Variants in BANK1 observed in about 807,000 individuals in gnomAD.
BANK1 encodes B-cell scaffold protein with ankyrin repeats.
Under a neutral mutation model 94.5 loss-of-function variants are expected in BANK1, and 95 were observed. The ratio of observed to expected loss-of-function variants is 1.00; its 90% CI spans 0.85 to 1.19. BANK1 has a LOEUF of 1.19. BANK1 is among the 50% of genes most tolerant of loss of function. The pLI is 0.00. For missense variants in BANK1, 987 were observed against 932.2 expected (o/e 1.06, Z -0.77); for synonymous variants, 334 against 308.4 (o/e 1.08, Z -0.87).
At chr4:102,028,762 A>G (rs993890237) in intron 9 of BANK1, among the ~76,000 whole-genome samples, 1 of 152,198 alleles carries the variant, frequency 6.6e-6, no homozygotes, top group Non-Finnish European at 1.5e-5. Flanking sequence ...ATGTCAAGAT[A>G]TTACTGTATG....
At chr4:101,886,732 C>A (rs1474543418) in intron 5 of BANK1, among the ~76,000 whole-genome samples, 2 of 140,536 alleles carry the variant, frequency 1.4e-5, no homozygotes, top group Admixed American at 1.5e-4. Context: ...AACTTTGAGA[C>A]CTTTTGACAT....
chr4:101,936,197 T>A (rs201785159), intron 7 of BANK1, among the ~76,000 whole-genome samples: 2 of 119,722 alleles, frequency 1.7e-5, no homozygotes, highest in Non-Finnish European at 3.7e-5. Context: ...ATATATATAT[T>A]TTTTATATAT....
intron 9 of BANK1, among the ~76,000 whole-genome samples, chr4:102,027,410 C>T (rs1049150107): frequency 6.6e-6 from 1 of 152,056 alleles, no homozygotes; most frequent in Non-Finnish European, 1.5e-5. Flanking sequence ...AAAATAAAAA[C>T]TCACTTATTT....
At chr4:101,998,841 GC>G (rs1284565394) in intron 7 of BANK1, among the ~76,000 whole-genome samples, 1 of 151,828 alleles carries the variant, frequency 6.6e-6, no homozygotes, top group East Asian at 1.9e-4. Context: ...TATAGTATTG[GC>G]CCTTGATTAT....
At chr4:101,947,020 A>C (rs934810151) in intron 7 of BANK1, among the ~76,000 whole-genome samples, 4 of 151,844 alleles carry the variant, frequency 2.6e-5, no homozygotes, top group African/African-American at 9.6e-5. Flanking sequence ...GGCAAAGAGA[A>C]GTAAGTCATA....
intron 6 of BANK1, among the ~76,000 whole-genome samples, chr4:101,903,579 G>A (rs761647504): frequency 9.2e-5 from 14 of 152,088 alleles, no homozygotes; most frequent in Non-Finnish European, 1.9e-4. Context: ...CAATTTATTT[G>A]AGCTCTATGG....
At chr4:101,875,619 C>A (rs892555239) in intron 5 of BANK1, among the ~76,000 whole-genome samples, 3 of 152,112 alleles carry the variant, frequency 2.0e-5, no homozygotes, top group Non-Finnish European at 4.4e-5. Context: ...CAGGGTCCCC[C>A]CCTAGATACA....
chr4:102,006,607 G>T (rs1321977049), intron 7 of BANK1, among the ~76,000 whole-genome samples: 2 of 151,764 alleles, frequency 1.3e-5, no homozygotes. Flanking sequence ...TTATTTGGGG[G>T]GTTTTAAGAC....
chr4:101,913,090 C>G (rs1722718840), intron 6 of BANK1, among the ~76,000 whole-genome samples: 1 of 152,192 alleles, frequency 6.6e-6, no homozygotes. Flanking sequence ...CTGATCCCAA[C>G]CCAGCCCATC....
At chr4:102,010,134 G>T (rs572010165) in intron 7 of BANK1, among the ~76,000 whole-genome samples, 2 of 151,498 alleles carry the variant, frequency 1.3e-5, no homozygotes, top group Non-Finnish European at 2.9e-5. Context: ...GTGTGGTGGC[G>T]GGCGCCTGTA....
At chr4:101,865,633 G>A (rs1341407886) in intron 4 of BANK1, among the ~76,000 whole-genome samples, 3 of 152,104 alleles carry the variant, frequency 2.0e-5, no homozygotes, top group African/African-American at 7.2e-5. Flanking sequence ...AGGGGATTAG[G>A]GGAAGGTATG....
intron 1 of BANK1, among the ~76,000 whole-genome samples, chr4:101,804,324 T>C (rs1725476662): frequency 6.6e-6 from 1 of 152,132 alleles, no homozygotes; most frequent in African/African-American, 2.4e-5. Context: ...TGAGATCAAG[T>C]GTTGGGAGTA....
At chr4:101,987,247 T>C (rs892417894) in intron 7 of BANK1, among the ~76,000 whole-genome samples, 2 of 151,982 alleles carry the variant, frequency 1.3e-5, no homozygotes, top group African/African-American at 4.8e-5. Flanking sequence ...AAAACACTTA[T>C]TATAATATTT....
intron 12 of BANK1, chr4:102,062,505 A>C (rs773586138): frequency 1.3e-5 from 2 of 152,288 alleles, no homozygotes; most frequent in Admixed American, 1.3e-4. Context: ...AGCTTGTTTT[A>C]CATTTTGCTT....
intron 1 of BANK1, among the ~76,000 whole-genome samples, chr4:101,791,311 C>T (rs910534274): frequency 6.6e-5 from 10 of 152,158 alleles, no homozygotes; most frequent in African/African-American, 2.4e-4. Context: ...TAAAATTATA[C>T]GTAATTATTT....
At chr4:101,852,130 A>G (rs1362700443) in intron 2 of BANK1, among the ~76,000 whole-genome samples, 1 of 151,992 alleles carries the variant, frequency 6.6e-6, no homozygotes, top group Non-Finnish European at 1.5e-5. Context: ...AAACTCCTCA[A>G]AATTTGTTCT....
At chr4:102,051,836 G>A (rs926880632) in intron 11 of BANK1, among the ~76,000 whole-genome samples, 3 of 152,268 alleles carry the variant, frequency 2.0e-5, no homozygotes, top group South Asian at 4.2e-4. Context: ...GGACTCTAAA[G>A]TAAAGCTCTA....
intron 4 of BANK1, among the ~76,000 whole-genome samples, chr4:101,863,171 A>C (rs1560606794): frequency 6.6e-6 from 1 of 151,990 alleles, no homozygotes; most frequent in African/African-American, 2.4e-5. Context: ...TCACTTACAA[A>C]GCTAATCATT....
intron 7 of BANK1, among the ~76,000 whole-genome samples, chr4:101,993,368 T>C (rs927889271): frequency 2.0e-5 from 3 of 152,196 alleles, no homozygotes; most frequent in Non-Finnish European, 4.4e-5. Context: ...CCTGAACTAC[T>C]AGCCTAGTGA....
Sources: gnomAD v4.1 joint callset for allele counts (sites outside exome capture counted in the v4.1 genomes callset) on GRCh38, gnomAD v4.1.1 for gene constraint, MANE v1.5 for transcripts, NCBI Gene and HGNC (gene_info 2026-07-23, HGNC 2026-07-21) for gene names.